CDK6: variants seen among roughly 807,000 people sequenced by gnomAD.
CDK6 encodes cyclin dependent kinase 6.
Under a neutral mutation model 37.1 loss-of-function variants are expected in CDK6, and 6 were observed. The observed-to-expected ratio is 0.16, with a 90% CI of 0.09 to 0.32. The LOEUF is 0.32. CDK6 is among the 10% of genes least tolerant of loss of function. The pLI is 1.00. For missense variants in CDK6, 224 were observed against 418.9 expected (o/e 0.53, Z 4.06); for synonymous variants, 160 against 161.3 (o/e 0.99, Z 0.06).
chr7:92,715,868 T>G (rs1798219799), intron 4 of CDK6, among the ~76,000 whole-genome samples: 1 of 152,176 alleles, frequency 6.6e-6, no homozygotes, highest in Non-Finnish European at 1.5e-5. Context: ...CACTATGGTT[T>G]CTCCAAAGAT....
rs3731389 is a variant in CDK6 at position 92,614,879 on chromosome 7, C to T, written c.*261G>A. ...GCAGCACAATTGGTCAGCAGCTTCTCTTCTTCTGGAATTTTTCCAGGTTCT... is the reference window on the plus strand; with the variant it reads ...GCAGCACAATTGGTCAGCAGCTTCTTTTCTTCTGGAATTTTTCCAGGTTCT... On this transcript the variant is annotated 3_prime_UTR_variant, in exon 8 of 8. Transcript: ENST00000424848. 8,692 of 415,060 alleles carry T rather than the reference C, an allele frequency of 0.021. 131 individuals are homozygous for T. The highest frequency in any genetic ancestry group is 0.035 in the Middle Eastern group (55 of 1,592). The allele number at this position is 415,060 out of a possible 1,614,324, so 25.7% of individuals were successfully genotyped here.
chr7:92,814,693 T>C (rs1215108846), intron 2 of CDK6, among the ~76,000 whole-genome samples: 1 of 151,286 alleles, frequency 6.6e-6, no homozygotes, highest in Non-Finnish European at 1.5e-5. Context: ...AATAAACCCA[T>C]AATTACAAAA....
At chr7:92,648,353 G>A (rs1344831993) in intron 5 of CDK6, among the ~76,000 whole-genome samples, 3 of 152,160 alleles carry the variant, frequency 2.0e-5, no homozygotes, top group Non-Finnish European at 4.4e-5. Context: ...GTCTTGACAT[G>A]AGTCAAGTGA....
At chr7:92,725,436 AG>A in intron 4 of CDK6, 189 bp downstream of exon 4, 1 of 708,332 alleles carries the variant, frequency 1.4e-6, no homozygotes. Context: ...CAACAAGCCC[AG>A]GCTGGATGTG....
intron 5 of CDK6, among the ~76,000 whole-genome samples, chr7:92,668,986 T>C (rs111255808): frequency 4.6e-5 from 7 of 152,376 alleles, no homozygotes; most frequent in African/African-American, 1.2e-4. Flanking sequence ...TACTTTCTTA[T>C]GTGCACATTT....
chr7:92,734,565 T>C (rs1007990858), intron 3 of CDK6, among the ~76,000 whole-genome samples: 2 of 152,198 alleles, frequency 1.3e-5, no homozygotes, highest in Non-Finnish European at 2.9e-5. Context: ...ATTGTACTAA[T>C]GGGTGTCAAT....
At chr7:92,700,626 G>A (rs902868984) in intron 4 of CDK6, among the ~76,000 whole-genome samples, 2 of 152,318 alleles carry the variant, frequency 1.3e-5, no homozygotes, top group South Asian at 2.1e-4. Flanking sequence ...TCAAGGGAGT[G>A]GACCGAGTTG....
chr7:92,814,837 A>G lies in CDK6; in HGVS notation c.233+18254T>C, dbSNP rs1278511957. 9.2e-5 allele frequency among the ~76,000 whole-genome samples: 14 copies of G among 152,148 alleles called. No individual in the cohort carries two copies. In the South Asian group the frequency reaches 2.9e-3, roughly 32 times the overall value. The stretch of plus-strand genomic sequence containing the variant: ...AAAGTGAAGAACATATAATCAGGAG[A>G]TGTATTAAGAAAATATCTTCTATTT... On this transcript the variant is annotated intron_variant, in intron 2 of 7. Coordinates refer to ENST00000424848, the MANE Select transcript of CDK6 (RefSeq NM_001145306.2).
intron 4 of CDK6, among the ~76,000 whole-genome samples, chr7:92,720,195 C>A (rs1798333735): frequency 6.6e-6 from 1 of 152,158 alleles, no homozygotes; most frequent in South Asian, 2.1e-4. Context: ...ATTATTTTAA[C>A]AAGACTTAAA....
chr7:92,722,831 C>G (rs1411468018), intron 4 of CDK6, among the ~76,000 whole-genome samples: 1 of 152,168 alleles, frequency 6.6e-6, no homozygotes, highest in Non-Finnish European at 1.5e-5. Context: ...TGAGCATCTG[C>G]CTTCGAGGAA....
intron 3 of CDK6, among the ~76,000 whole-genome samples, chr7:92,751,154 C>T (rs894299667): frequency 3.9e-5 from 6 of 152,196 alleles, no homozygotes; most frequent in Admixed American, 1.3e-4. Flanking sequence ...AAAATTCCTT[C>T]GAAATGCTAA....
At chr7:92,678,820 T>C (rs752342631) in intron 4 of CDK6, among the ~76,000 whole-genome samples, 31 of 152,196 alleles carry the variant, frequency 2.0e-4, no homozygotes, top group South Asian at 6.2e-4. Context: ...CTTTGGCCAA[T>C]GGGAAGTCTC....
In CDK6 at chr7:92,748,638, T is replaced by A. The variant is rs189292124; in HGVS notation, c.370-22845A>T. Among the ~76,000 whole-genome samples the A allele has an allele frequency of 1.7e-3, 260 of 152,326 alleles. 1 individual carries two copies. Among genetic ancestry groups the A allele is most frequent in the Non-Finnish European group, 3.0e-3 (205 of 68,028 alleles). Reference sequence around the variant, plus strand: ...AAGTGACTTGCTCAAGTCACATGGCTAGTAACCAGGTGTCTTGTTGCTAGG... The same window carrying A: ...AAGTGACTTGCTCAAGTCACATGGCAAGTAACCAGGTGTCTTGTTGCTAGG... On this transcript the variant is annotated intron_variant, in intron 3 of 7. Coordinates refer to ENST00000424848, the MANE Select transcript of CDK6 (RefSeq NM_001145306.2).
In CDK6 at chr7:92,821,972, A is replaced by G. The variant is rs994239656; in HGVS notation, c.233+11119T>C. On this transcript the variant is annotated intron_variant, in intron 2 of 7. Transcript: ENST00000424848. ...GAATGCATGTCAATATTTTAATATG[A>G]CATACATATTACATGGACATCCCTA... 9.2e-5 allele frequency among the ~76,000 whole-genome samples: 14 copies of G among 152,220 alleles called. No individual in the cohort carries two copies. The East Asian group carries it at 2.1e-3, about 23-fold the overall frequency.
chr7:92,745,068 T>A (rs1799027314), intron 3 of CDK6, among the ~76,000 whole-genome samples: 1 of 152,208 alleles, frequency 6.6e-6, no homozygotes, highest in Non-Finnish European at 1.5e-5. Context: ...CTAATTAACA[T>A]GTCCATTTTA....
At chr7:92,661,359 C>T (rs896690150) in intron 5 of CDK6, among the ~76,000 whole-genome samples, 4 of 152,128 alleles carry the variant, frequency 2.6e-5, no homozygotes, top group Admixed American at 6.5e-5. Flanking sequence ...AGCTGACCCT[C>T]GAACAACATG....
intron 4 of CDK6, among the ~76,000 whole-genome samples, chr7:92,688,553 C>T (rs962082933): frequency 6.7e-6 from 1 of 149,452 alleles, no homozygotes; most frequent in Non-Finnish European, 1.5e-5. Flanking sequence ...GTTTGTCCTC[C>T]TCTTGAGGTG....
At chr7:92,685,621 A>T (rs1183076165) in intron 4 of CDK6, among the ~76,000 whole-genome samples, 1 of 152,190 alleles carries the variant, frequency 6.6e-6, no homozygotes, top group Non-Finnish European at 1.5e-5. Context: ...TTTTGCACTA[A>T]ACTCCTGCAC....
chr7:92,671,515 T>C lies in CDK6; in HGVS notation c.558A>G (p.Arg186=), dbSNP rs2116603262. 2 of 1,583,940 alleles carry C rather than the reference T, an allele frequency of 1.3e-6. No individual in the cohort carries two copies. The highest frequency in any genetic ancestry group is 1.2e-5 in the South Asian group (1 of 86,866). ...LTSVVVTLWY[R]APEVLLQSSY... ...TGGACTGGAGCAAGACTTCGGGTGC[T>C]CTGTACCACAGCGTGACGACCTGCA... The change falls in exon 5 of 8, where the codon AGA becomes AGG. Residue 186 remains arginine (R), a synonymous_variant. Transcript: ENST00000424848.
Sources: allele counts gnomAD v4.1 joint callset (sites outside exome capture counted in the v4.1 genomes callset), GRCh38; gene constraint gnomAD v4.1.1; transcripts MANE v1.5; gene names NCBI Gene and HGNC (gene_info 2026-07-23, HGNC 2026-07-21).